The following AGBL1 variants were observed in gnomAD, a reference collection of about 807,000 sequenced individuals.
The protein encoded by AGBL1 is AGBL carboxypeptidase 1.
A neutral mutation model predicts 118.9 loss-of-function variants in AGBL1; 130 were observed. That is an observed-to-expected ratio of 1.09 (90% CI 0.95 to 1.26). AGBL1 has a LOEUF of 1.26. Ranked by LOEUF, AGBL1 falls within the 50% of genes most tolerant of loss-of-function variation. AGBL1 has a pLI of 0.00. For synonymous variants in AGBL1, 555 were observed against 478.9 expected, an observed-to-expected ratio of 1.16 and a Z score of -2.08; for missense variants, 1,584 against 1,298.1, an observed-to-expected ratio of 1.22 and a Z score of -3.38.
chr15:86,904,592 T>C (rs529755523), intron 22 of AGBL1, among the ~76,000 whole-genome samples: 2 of 148,328 alleles, frequency 1.3e-5, no homozygotes, highest in African/African-American at 4.9e-5. Flanking sequence ...ATATAATAAG[T>C]ATTATATATT....
intron 23 of AGBL1, among the ~76,000 whole-genome samples, chr15:86,976,813 C>T (rs2081180685): frequency 1.3e-5 from 2 of 151,798 alleles, no homozygotes; most frequent in Admixed American, 6.6e-5. Context: ...TATATTTATT[C>T]GTATATACGC....
chr15:86,765,298 A>C (rs1260500712), intron 22 of AGBL1, among the ~76,000 whole-genome samples: 3 of 152,014 alleles, frequency 2.0e-5, no homozygotes, highest in Non-Finnish European at 4.4e-5. Flanking sequence ...AATAAGTGCA[A>C]CCATGACAGT....
At chr15:86,728,315 C>G (rs986154762) in intron 22 of AGBL1, among the ~76,000 whole-genome samples, 2 of 152,162 alleles carry the variant, frequency 1.3e-5, no homozygotes, top group African/African-American at 4.8e-5. Flanking sequence ...TAGAAGCAGG[C>G]TAGAGTTGAC....
At position 86,645,058 on chromosome 15, in the gene AGBL1, A is replaced by G. The variant is rs188560611; in HGVS notation, c.2995-29215A>G. ...CAAACAAAAAACAAAAACAAAAAAAAGGAGAAGCTTTGATGAACAAACATA... is the reference window on the plus strand; with the variant it reads ...CAAACAAAAAACAAAAACAAAAAAAGGGAGAAGCTTTGATGAACAAACATA... On this transcript the variant is annotated intron_variant, in intron 21 of 22. Transcript: ENST00000614907. Among the ~76,000 whole-genome samples, 378 of 152,168 alleles carry G rather than the reference A, an allele frequency of 2.5e-3. 4 individuals carry two copies. The highest frequency in any genetic ancestry group is 8.3e-3 in the African/African-American group (344 of 41,528).
intron 21 of AGBL1, among the ~76,000 whole-genome samples, chr15:86,573,352 C>G (rs1386691748): frequency 6.6e-6 from 1 of 152,074 alleles, no homozygotes; most frequent in Non-Finnish European, 1.5e-5. Context: ...AGTCCAGCCA[C>G]AAAGGCAGAT....
chr15:86,405,297 G>A (rs1398489570), intron 18 of AGBL1, among the ~76,000 whole-genome samples: 1 of 151,828 alleles, frequency 6.6e-6, no homozygotes, highest in Non-Finnish European at 1.5e-5. Flanking sequence ...AGATCACGAG[G>A]TCAGGAGATT....
intron 5 of AGBL1, among the ~76,000 whole-genome samples, chr15:86,203,641 AC>A (rs140483290): frequency 5.3e-5 from 8 of 151,882 alleles, no homozygotes; most frequent in African/African-American, 1.9e-4. Flanking sequence ...GGCTACCTTT[AC>A]TCTGTTTAAT....
At chr15:86,476,986 T>G (rs4383108) in intron 18 of AGBL1, among the ~76,000 whole-genome samples, 103,939 of 151,996 alleles carry the variant, frequency 0.68, 36,753 homozygotes, top group African/African-American at 0.82. Context: ...TGACTACTGG[T>G]TACATAATGA....
chr15:86,692,459 G>A (rs915971163), intron 22 of AGBL1, among the ~76,000 whole-genome samples: 2 of 152,066 alleles, frequency 1.3e-5, no homozygotes, highest in East Asian at 3.9e-4. Context: ...GAAAGCTGGG[G>A]GCTGTAGAAG....
chr15:86,260,927 G>A (rs1029401366), intron 9 of AGBL1, among the ~76,000 whole-genome samples: 1 of 152,220 alleles, frequency 6.6e-6, no homozygotes, highest in Non-Finnish European at 1.5e-5. Flanking sequence ...AAAAGGAGGT[G>A]GCAACCTGGC....
chr15:86,283,116 CA>C (rs1270541363), intron 16 of AGBL1, among the ~76,000 whole-genome samples: 1 of 151,868 alleles, frequency 6.6e-6, no homozygotes, highest in Non-Finnish European at 1.5e-5. Flanking sequence ...CTGAAGCAAA[CA>C]AAAAAGCTCT....
intron 21 of AGBL1, among the ~76,000 whole-genome samples, chr15:86,597,132 TATCCATCCATCCATCC>T (rs57387070): frequency 4.7e-5 from 7 of 147,610 alleles, no homozygotes; most frequent in South Asian, 4.4e-4. Flanking sequence ...AATCTACCTA[TATCCATCCATCCATCC>T]ATCCATCCAT....
chr15:86,757,835 T>C (rs2077964072), intron 22 of AGBL1, among the ~76,000 whole-genome samples: 1 of 152,126 alleles, frequency 6.6e-6, no homozygotes, highest in African/African-American at 2.4e-5. Flanking sequence ...TGGCTCTTTA[T>C]TCTTTAACCA....
Position 86,860,442 on chromosome 15 carries a change from ATATATT to A in AGBL1, c.3159-46633_3159-46628del, listed in dbSNP as rs571295327. Among the ~76,000 whole-genome samples, 263 of 150,370 alleles carry A rather than the reference ATATATT, an allele frequency of 1.7e-3. 2 individuals are homozygous for A. The highest frequency in any genetic ancestry group is 5.8e-3 in the African/African-American group (239 of 41,170). On this transcript the variant is annotated intron_variant, in intron 22 of 22. Transcript: ENST00000614907. ...TCTCTTTATATATAATTTCATATAT[ATATATT>A]TATATTTATATACAATTTCTTCCTC...
intron 22 of AGBL1, among the ~76,000 whole-genome samples, chr15:86,820,929 C>A (rs902926267): frequency 1.3e-5 from 2 of 152,100 alleles, no homozygotes; most frequent in East Asian, 1.9e-4. Flanking sequence ...TGGAACCAAC[C>A]AAAATGCCCA....
At chr15:86,804,039 A>T (rs2078686343) in intron 22 of AGBL1, among the ~76,000 whole-genome samples, 1 of 152,152 alleles carries the variant, frequency 6.6e-6, no homozygotes, top group Non-Finnish European at 1.5e-5. Context: ...AGATTTCAGG[A>T]AAAGAGACAT....
chr15:86,817,514 GAC>G (rs2078878402), intron 22 of AGBL1, among the ~76,000 whole-genome samples: 1 of 144,246 alleles, frequency 6.9e-6, no homozygotes, highest in Non-Finnish European at 1.5e-5. Flanking sequence ...GAGAGAAAGA[GAC>G]AGGCATACAC....
chr15:86,741,526 C>T (rs2077680109), intron 22 of AGBL1, among the ~76,000 whole-genome samples: 1 of 149,244 alleles, frequency 6.7e-6, no homozygotes, highest in Admixed American at 6.7e-5. Flanking sequence ...TGGATTTTGA[C>T]CATTATGGTG....
chr15:86,582,212 C>G (rs2084180978), intron 21 of AGBL1, among the ~76,000 whole-genome samples: 1 of 152,146 alleles, frequency 6.6e-6, no homozygotes, highest in Non-Finnish European at 1.5e-5. Flanking sequence ...GGTTTAGTTT[C>G]TCAGGTTCAC....
Sources: allele counts gnomAD v4.1 joint callset (sites outside exome capture counted in the v4.1 genomes callset), GRCh38; gene constraint gnomAD v4.1.1; transcripts MANE v1.5; gene names NCBI Gene and HGNC (gene_info 2026-07-23, HGNC 2026-07-21).